DSCAML1: variants seen among roughly 807,000 people sequenced by gnomAD.
DSCAML1 encodes the protein DS cell adhesion molecule like 1, also known as cell adhesion molecule DSCAML1.
A neutral mutation model predicts 200.5 loss-of-function variants in DSCAML1; 38 were observed. The observed-to-expected ratio is 0.19, with a 90% CI of 0.15 to 0.25. The LOEUF (loss-of-function observed/expected upper bound fraction) is 0.25, where lower values mean the gene tolerates loss of function less well. DSCAML1 is among the 10% of genes least tolerant of loss of function. DSCAML1 has a pLI of 1.00. For synonymous variants in DSCAML1, 1,215 were observed against 1,165.0 expected (o/e 1.04, Z -0.87); for missense variants, 2,223 against 2,858.8 (o/e 0.78, Z 5.07).
At chr11:117,644,134 G>A (rs1029150322) in intron 3 of DSCAML1, among the ~76,000 whole-genome samples, 1 of 152,210 alleles carries the variant, frequency 6.6e-6, no homozygotes, top group Non-Finnish European at 1.5e-5. Flanking sequence ...AGGGCCGCCC[G>A]GTCGGCCTGC....
chr11:117,647,983 A>G (rs555211803), intron 3 of DSCAML1, among the ~76,000 whole-genome samples: 1 of 152,284 alleles, frequency 6.6e-6, no homozygotes, highest in African/African-American at 2.4e-5. Context: ...GCAAACTCAG[A>G]GCAGTGTCCC....
intron 32 of DSCAML1, 71 bp downstream of exon 32, chr11:117,430,651 C>T: frequency 6.7e-7 from 1 of 1,501,542 alleles, no homozygotes. Flanking sequence ...AGAACTAGAT[C>T]TAGCCAGGGC....
intron 13 of DSCAML1, 150 bp downstream of exon 13, chr11:117,481,024 C>T (rs2048904709): frequency 1.4e-6 from 1 of 718,800 alleles, no homozygotes. Flanking sequence ...GGCAGGAGGG[C>T]AGGTGGAGGG....
chr11:117,802,785 A>G (rs1008079431), intron 1 of DSCAML1, among the ~76,000 whole-genome samples: 1 of 152,138 alleles, frequency 6.6e-6, no homozygotes, highest in African/African-American at 2.4e-5. Context: ...GTTTTCGTCC[A>G]TTTCTGATTC....
At position 117,437,804 on chromosome 11, in the gene DSCAML1, C is replaced by G; in HGVS notation, c.4432+91G>C. The G allele has an allele frequency of 7.3e-7, 1 of 1,378,482 alleles. No individual in the cohort carries two copies. Among genetic ancestry groups the G allele is most frequent in the Non-Finnish European group, 9.6e-7 (1 of 1,042,828 alleles). 85.4% of individuals were successfully genotyped at this position (1,378,482 alleles called of 1,614,324 possible). A position where few individuals can be genotyped will look rare whatever the true frequency, so the allele number is the denominator to read the frequency against. ...GCATCCCTGGACCCCTCCTTCCCCA[C>G]CCCAGCCACCTTACACCCCATACCT... is the stretch of plus-strand genomic sequence containing the variant. On this transcript the variant is annotated intron_variant, in intron 25 of 32. Coordinates refer to ENST00000651296, the MANE Select transcript of DSCAML1 (RefSeq NM_020693.4). The surrounding 1 kb of genome is among the most constrained non-coding windows in gnomAD (Gnocchi z 5.3).
chr11:117,524,501 C>G (rs1209110197), intron 5 of DSCAML1, among the ~76,000 whole-genome samples: 1 of 152,340 alleles, frequency 6.6e-6, no homozygotes, highest in East Asian at 1.9e-4. Flanking sequence ...AGCCTCATGA[C>G]CTCTGGGAGG....
intron 3 of DSCAML1, chr11:117,709,647 C>G (rs1242877896): frequency 2.2e-6 from 1 of 454,878 alleles, no homozygotes; most frequent in African/African-American, 2.0e-5. Context: ...GTTACAGAAC[C>G]ATAATCCCAC....
At chr11:117,587,018 C>A (rs1307019225) in intron 3 of DSCAML1, among the ~76,000 whole-genome samples, 1 of 152,154 alleles carries the variant, frequency 6.6e-6, no homozygotes, top group Non-Finnish European at 1.5e-5. Context: ...ACAGACATAC[C>A]AACACGTCAG....
intron 1 of DSCAML1, among the ~76,000 whole-genome samples, chr11:117,810,127 C>A (rs1316502458): frequency 6.6e-6 from 1 of 152,074 alleles, no homozygotes; most frequent in African/African-American, 2.4e-5. Flanking sequence ...ACATTTCAAT[C>A]TTGGCGCCAC....
intron 11 of DSCAML1, among the ~76,000 whole-genome samples, chr11:117,492,673 T>C (rs934393080): frequency 6.6e-6 from 1 of 151,420 alleles, no homozygotes. Flanking sequence ...TGTTTGGCGG[T>C]GTGAGATAAG....
At chr11:117,787,376 A>G (rs2134064579) in intron 1 of DSCAML1, among the ~76,000 whole-genome samples, 1 of 152,346 alleles carries the variant, frequency 6.6e-6, no homozygotes, top group Middle Eastern at 3.4e-3. Context: ...TTTGTGGGAA[A>G]AGTGAATCCT....
At position 117,780,304 on chromosome 11, in the gene DSCAML1, G is replaced by GAAAGAA. The variant is rs71037499; in HGVS notation, c.364+188_364+189insTTCTTT. On this transcript the variant is annotated intron_variant, in intron 2 of 32. Transcript: ENST00000651296. The surrounding 1 kb of genome is among the most constrained non-coding windows in gnomAD (Gnocchi z 4.8). The stretch of plus-strand genomic sequence containing the variant: ...AGAAAGAAAGAAAGAAAGAAAGAAA[G>GAAAGAA]AGAGAAAGGAGAAAGAAAGGTGTCT... Among the ~76,000 whole-genome samples, 5,732 of 97,082 alleles carry GAAAGAA rather than the reference G, an allele frequency of 0.059. 232 individuals carry two copies. The highest frequency in any genetic ancestry group is 0.07 in the Non-Finnish European group (3,121 of 44,304). 63.7% of individuals were successfully genotyped at this position (97,082 alleles called of 152,430 possible). A position where few individuals can be genotyped will look rare whatever the true frequency, so the allele number is the denominator to read the frequency against.
chr11:117,517,897 C>T (rs1022520501), intron 7 of DSCAML1, among the ~76,000 whole-genome samples: 1 of 152,186 alleles, frequency 6.6e-6, no homozygotes, highest in Non-Finnish European at 1.5e-5. Flanking sequence ...CTTGGGACAC[C>T]CCCACCCAGC....
At chr11:117,678,945 G>T (rs1176210927) in intron 3 of DSCAML1, among the ~76,000 whole-genome samples, 1 of 152,258 alleles carries the variant, frequency 6.6e-6, no homozygotes, top group East Asian at 1.9e-4. Flanking sequence ...CTACTGGATT[G>T]TCTGCAAATG....
At chr11:117,788,290 G>T (rs768827221) in intron 1 of DSCAML1, among the ~76,000 whole-genome samples, 1 of 152,050 alleles carries the variant, frequency 6.6e-6, no homozygotes, top group Non-Finnish European at 1.5e-5. Flanking sequence ...GGTTTTTTTG[G>T]TTTGTTTTGT....
rs752705258 is a variant in DSCAML1 at position 117,469,354 on chromosome 11, G to C, written c.3024+556C>G. ...TCTGAGTCCTGCTCAAGGTCATTCT[G>C]TTCTGTTTCCCTGCCCAGCTGTGGA... On this transcript the variant is annotated intron_variant, in intron 16 of 32. Coordinates refer to ENST00000651296, the MANE Select transcript of DSCAML1 (RefSeq NM_020693.4). The surrounding 1 kb of genome is among the most constrained non-coding windows in gnomAD (Gnocchi z 4.1). 1.2e-4 allele frequency among the ~76,000 whole-genome samples: 19 copies of C among 152,150 alleles called. No individual in the cohort carries two copies. Among genetic ancestry groups the C allele is most frequent in the Admixed American group, 4.6e-4 (7 of 15,284 alleles).
chr11:117,704,998 G>A (rs140500554), intron 3 of DSCAML1, among the ~76,000 whole-genome samples: 3 of 152,284 alleles, frequency 2.0e-5, no homozygotes, highest in Non-Finnish European at 2.9e-5. Flanking sequence ...TGTGCGCCCC[G>A]GATGTGTGTG....
chr11:117,587,262 C>CCCCA (rs796303967), intron 3 of DSCAML1, among the ~76,000 whole-genome samples: 1 of 150,674 alleles, frequency 6.6e-6, no homozygotes, highest in African/African-American at 2.4e-5. Context: ...AACCCCCCCC[C>CCCCA]ACGATTTAGA....
intron 3 of DSCAML1, among the ~76,000 whole-genome samples, chr11:117,618,466 C>T (rs34267186): frequency 0.036 from 5,545 of 152,250 alleles, 160 homozygotes; most frequent in Non-Finnish European, 0.051. Flanking sequence ...CTGTCTATGA[C>T]TCACACTCTC....
Sources: gnomAD v4.1 joint callset for allele counts (sites outside exome capture counted in the v4.1 genomes callset) on GRCh38, gnomAD v4.1.1 for gene constraint, Gnocchi (gnomAD v3.1) non-coding constraint, MANE v1.5 for transcripts, NCBI Gene and HGNC (gene_info 2026-07-23, HGNC 2026-07-21) for gene names.